RPN2: variants seen among roughly 807,000 people sequenced by gnomAD.
The protein encoded by RPN2 is ribophorin II.
A neutral mutation model predicts 71.4 loss-of-function variants in RPN2; 29 were observed. The observed-to-expected ratio is 0.41, with a 90% CI of 0.30 to 0.55. RPN2 has a LOEUF of 0.55. RPN2 is among the 20% of genes least tolerant of loss of function. The pLI is 0.35. For missense variants in RPN2, 726 were observed against 774.1 expected (o/e 0.94, Z 0.74); for synonymous variants, 308 against 305.0 (o/e 1.01, Z -0.10).
chr20:37,207,378 C>A lies in RPN2; in HGVS notation c.796C>A (p.Arg266Ser), dbSNP rs564659421. ...ASAAAVLSHN[R>S]YHVPVVVVPE... ...TGCAGCTGCTGTGCTCTCGCATAAT[C>A]GCTACCACGTGCCAGTTGTGGTTGT... The change falls in exon 7 of 17, where the codon CGC (arginine) becomes AGC (serine). Residue 266 changes from arginine to serine, a missense_variant. By Grantham distance (110) the Arg-to-Ser change is moderately radical. Transcript: ENST00000237530. 5.0e-6 allele frequency: 8 copies of A among 1,614,106 alleles called. No homozygotes were observed. In the Admixed American group the frequency reaches 1.3e-4, roughly 27 times the overall value.
At chr20:37,190,752 T>G (rs6103981) in intron 2 of RPN2, among the ~76,000 whole-genome samples, 6,704 of 152,262 alleles carry the variant, frequency 0.044, 433 homozygotes, top group African/African-American at 0.14. Flanking sequence ...ATGTGCCTGC[T>G]AATCAGAAAA....
At chr20:37,184,563 C>G (rs1253854440) in intron 2 of RPN2, among the ~76,000 whole-genome samples, 190 bp downstream of exon 2, 2 of 152,190 alleles carry the variant, frequency 1.3e-5, no homozygotes, top group Admixed American at 1.3e-4. Context: ...GAGGTCTAGG[C>G]AGGTGGATCA....
chr20:37,208,668 A>G (rs894002869), intron 7 of RPN2, among the ~76,000 whole-genome samples: 1 of 152,192 alleles, frequency 6.6e-6, no homozygotes, highest in Non-Finnish European at 1.5e-5. Context: ...GTAAGCATAG[A>G]CTTCTCCTTT....
At chr20:37,216,549 C>T (rs182322879) in intron 9 of RPN2, among the ~76,000 whole-genome samples, 1 of 152,162 alleles carries the variant, frequency 6.6e-6, no homozygotes, top group East Asian at 1.9e-4. Context: ...GCAGCCTCTG[C>T]CTCCGGGGTT....
intron 16 of RPN2, among the ~76,000 whole-genome samples, chr20:37,240,990 C>T (rs2068534687): frequency 6.6e-6 from 1 of 152,224 alleles, no homozygotes; most frequent in Non-Finnish European, 1.5e-5. Context: ...TTTGGCCTTG[C>T]ACTGTGAGAG....
intron 1 of RPN2, among the ~76,000 whole-genome samples, chr20:37,180,917 A>G (rs963655104): frequency 6.6e-6 from 1 of 151,468 alleles, no homozygotes; most frequent in African/African-American, 2.4e-5. Flanking sequence ...AAGTCAAATC[A>G]CTCCTCTGCT....
intron 2 of RPN2, among the ~76,000 whole-genome samples, chr20:37,193,956 G>A (rs1214108121): frequency 2.6e-5 from 4 of 152,204 alleles, no homozygotes; most frequent in African/African-American, 4.8e-5. Flanking sequence ...AGAAACAGCA[G>A]GAGAGCTCAA....
At chr20:37,181,074 CA>C (rs1364077467) in intron 1 of RPN2, among the ~76,000 whole-genome samples, 1 of 151,968 alleles carries the variant, frequency 6.6e-6, no homozygotes, top group African/African-American at 2.4e-5. Context: ...ACTAAAAAGA[CA>C]AAAATTAGCT....
chr20:37,221,076 A>G (rs1465623000), intron 9 of RPN2, among the ~76,000 whole-genome samples: 1 of 152,200 alleles, frequency 6.6e-6, no homozygotes, highest in Non-Finnish European at 1.5e-5. Flanking sequence ...GATCCTGATT[A>G]GCTGGCCTTG....
chr20:37,193,694 TAG>T (rs1236724863), intron 2 of RPN2, among the ~76,000 whole-genome samples: 5 of 151,858 alleles, frequency 3.3e-5, no homozygotes, highest in Admixed American at 2.6e-4. Context: ...CATGGATGGG[TAG>T]TTGGGCCATT....
rs558750239 is a variant in RPN2 at position 37,235,848 on chromosome 20, C to T, written c.1754-732C>T. On this transcript the variant is annotated intron_variant, in intron 15 of 16. Coordinates refer to ENST00000237530, the MANE Select transcript of RPN2 (RefSeq NM_002951.5). ...TATTTTTAGTAGAGAGAGGGTTTCA[C>T]CATGTTGGCCAGGGTGGTCTCGAAT... Among the ~76,000 whole-genome samples the T allele has an allele frequency of 2.6e-5, 4 of 152,078 alleles. No individual in the cohort carries two copies. The East Asian group carries it at 7.7e-4, about 29-fold the overall frequency.
At chr20:37,234,940 A>G (rs918727465) in intron 15 of RPN2, among the ~76,000 whole-genome samples, 7 of 152,114 alleles carry the variant, frequency 4.6e-5, no homozygotes, top group African/African-American at 7.2e-5. Context: ...TTGGCCTCCC[A>G]GAGTGCTAGG....
chr20:37,227,332 T>A (rs2068101433), intron 11 of RPN2, among the ~76,000 whole-genome samples: 1 of 152,262 alleles, frequency 6.6e-6, no homozygotes, highest in Non-Finnish European at 1.5e-5. Context: ...AGTGTAACTT[T>A]CACTGAATAC....
intron 9 of RPN2, among the ~76,000 whole-genome samples, chr20:37,216,754 A>G (rs2067815933): frequency 6.6e-6 from 1 of 152,102 alleles, no homozygotes; most frequent in Non-Finnish European, 1.5e-5. Flanking sequence ...GAGCCACTGC[A>G]CCTGGCCCTC....
rs141258833 is a variant in RPN2 at position 37,196,477 on chromosome 20, C to T, written c.208-1920C>T. On this transcript the variant is annotated intron_variant, in intron 2 of 16. Coordinates refer to ENST00000237530, the MANE Select transcript of RPN2 (RefSeq NM_002951.5). ...CTCGATCTCCTGACCTTGTGATCTG[C>T]TCGCCTTGACCTCCCAAAGTGCTGG... Among the ~76,000 whole-genome samples, 707 of 152,272 alleles carry T rather than the reference C, an allele frequency of 4.6e-3. 7 individuals carry two copies. The highest frequency in any genetic ancestry group is 0.016 in the African/African-American group (676 of 41,556).
rs6073729 is a variant in RPN2 at position 37,229,953 on chromosome 20, G to C, written c.1495-20G>C. ...ACTTCTCTGCCCCTGTGCTTTTACA[G>C]ACTGTCCTTATTTTTCTAGGCTGAT... On this transcript the variant is annotated intron_variant, in intron 12 of 16. Coordinates refer to ENST00000237530, the MANE Select transcript of RPN2 (RefSeq NM_002951.5). 1.3e-6 allele frequency: 2 copies of C among 1,591,328 alleles called. No homozygotes were observed. The highest frequency in any genetic ancestry group is 1.7e-6 in the Non-Finnish European group (2 of 1,159,300).
intron 9 of RPN2, among the ~76,000 whole-genome samples, chr20:37,216,621 C>G (rs1187112044): frequency 1.3e-5 from 2 of 151,928 alleles, no homozygotes; most frequent in African/African-American, 2.4e-5. Context: ...GCCACCACAC[C>G]TGGCTAATTT....
At chr20:37,227,648 T>C (rs1267348196) in intron 11 of RPN2, among the ~76,000 whole-genome samples, 1 of 152,250 alleles carries the variant, frequency 6.6e-6, no homozygotes, top group Non-Finnish European at 1.5e-5. Flanking sequence ...ACTCATTTAA[T>C]GCTTGTGCCT....
intron 2 of RPN2, among the ~76,000 whole-genome samples, chr20:37,195,119 C>T (rs757369898): frequency 1.1e-3 from 173 of 152,112 alleles, no homozygotes; most frequent in Non-Finnish European, 2.0e-3. Flanking sequence ...GGGCAGTTTT[C>T]AGCCTTCAGT....
Sources: allele counts gnomAD v4.1 joint callset (sites outside exome capture counted in the v4.1 genomes callset), GRCh38; gene constraint gnomAD v4.1.1; transcripts MANE v1.5; gene names NCBI Gene and HGNC (gene_info 2026-07-23, HGNC 2026-07-21).